RAB40C: variants seen among roughly 807,000 people sequenced by gnomAD.
RAB40C encodes RAB40C, member RAS oncogene family.
Under a neutral mutation model 28.1 loss-of-function variants are expected in RAB40C, and 8 were observed. The observed-to-expected ratio is 0.28, with a 90% CI of 0.17 to 0.51. RAB40C has a LOEUF of 0.51. Among genes scored for constraint, RAB40C ranks in the 20% least tolerant of loss-of-function variants. The probability of loss-of-function intolerance (pLI) is 0.97; values close to 1 mark genes in which losing one functional copy is unlikely to be tolerated. For missense variants in RAB40C, 288 were observed against 405.9 expected (o/e 0.71, Z 2.50); for synonymous variants, 201 against 171.7 (o/e 1.17, Z -1.34).
At chr16:591,550 T>C (rs926020960) in intron 1 of RAB40C, among the ~76,000 whole-genome samples, 11 of 152,146 alleles carry the variant, frequency 7.2e-5, no homozygotes, top group African/African-American at 2.2e-4. Context: ...ACCTCTGTAA[T>C]GAGTTACTGA....
intron 3 of RAB40C, 114 bp from the exon 4 acceptor site, chr16:625,318 A>G: frequency 6.7e-7 from 1 of 1,501,078 alleles, no homozygotes; most frequent in South Asian, 1.2e-5. Context: ...TCCGCCAAGT[A>G]ATAAGCATCC....
chr16:619,093 C>G (rs1202921744), intron 3 of RAB40C, among the ~76,000 whole-genome samples: 1 of 135,186 alleles, frequency 7.4e-6, no homozygotes, highest in African/African-American at 2.9e-5. Flanking sequence ...TGTGTGCAGG[C>G]ATGTGCACAG....
chr16:614,640 C>G (rs1012485894), intron 1 of RAB40C, among the ~76,000 whole-genome samples: 9 of 150,948 alleles, frequency 6.0e-5, no homozygotes, highest in Admixed American at 5.9e-4. Context: ...CTAACTCTGC[C>G]GTATCCCGAT....
chr16:590,492 A>G (rs1308014880), intron 1 of RAB40C, 59 bp downstream of exon 1: 10 of 1,453,960 alleles, frequency 6.9e-6, no homozygotes, highest in Non-Finnish European at 9.1e-6. Context: ...CGAGCTGGGC[A>G]CGGAGCTCGC....
chr16:594,505 C>T (rs990524276), intron 1 of RAB40C, among the ~76,000 whole-genome samples: 1 of 152,230 alleles, frequency 6.6e-6, no homozygotes, highest in Admixed American at 6.5e-5. Context: ...GGCTTCACGA[C>T]TCCCTGAGCT....
At position 602,947 on chromosome 16, in the gene RAB40C, T is replaced by G. The variant is rs528256012; in HGVS notation, c.142+12514T>G. ...GGATTTGTAATCATTGAAAGTAATC[T>G]GAGAGCTATGGGATCTGCTCCTTAA... On this transcript the variant is annotated intron_variant, in intron 1 of 5. Transcript: ENST00000248139. Among the ~76,000 whole-genome samples the G allele has an allele frequency of 2.6e-5, 4 of 152,298 alleles. No individual in the cohort carries two copies. The South Asian group carries it at 8.3e-4, about 32-fold the overall frequency.
intron 3 of RAB40C, chr16:624,850 T>C: frequency 1.0e-6 from 1 of 985,446 alleles, no homozygotes; most frequent in South Asian, 4.7e-5. Flanking sequence ...TGCCGAGATA[T>C]TTAGGGCAGG....
At chr16:605,184 C>T (rs79366855) in intron 1 of RAB40C, among the ~76,000 whole-genome samples, 2,929 of 152,284 alleles carry the variant, frequency 0.019, 61 homozygotes, top group African/African-American at 0.056. Context: ...GTGATTGTTC[C>T]GCTGCACTCC....
At chr16:605,627 C>T (rs913485089) in intron 1 of RAB40C, among the ~76,000 whole-genome samples, 108 of 152,328 alleles carry the variant, frequency 7.1e-4, no homozygotes, top group African/African-American at 1.9e-3. Flanking sequence ...TGGTTGAGTG[C>T]AGTTGCTCCC....
At chr16:590,700 G>A (rs2035974669) in intron 1 of RAB40C, among the ~76,000 whole-genome samples, 1 of 152,226 alleles carries the variant, frequency 6.6e-6, no homozygotes, top group African/African-American at 2.4e-5. Flanking sequence ...CGGTGTCACG[G>A]GTCCGGGATC....
In RAB40C at chr16:625,997, G is replaced by T; in HGVS notation, c.441G>T (p.Lys147Asn). ...PTEQARAYAE[K>N]NCMTFFEVSP... ...AGCAGGCCCGCGCGTACGCAGAGAA[G>T]AACTGCATGACCTTCTTTGAGGTCA... is the stretch of plus-strand genomic sequence containing the variant. The change falls in exon 5 of 6, where the codon AAG becomes AAT. Residue 147 changes from lysine (K) to asparagine (N), a missense_variant. Lys to Asn is a moderately conservative substitution (Grantham distance 94, BLOSUM62 0). Transcript: ENST00000248139. 6.2e-7 allele frequency: 1 copy of T among 1,613,364 alleles called. No individual in the cohort carries two copies. Among genetic ancestry groups the T allele is most frequent in the Non-Finnish European group, 8.5e-7 (1 of 1,180,010 alleles).
chr16:623,429 C>T (rs763820453), intron 3 of RAB40C, among the ~76,000 whole-genome samples: 5 of 151,896 alleles, frequency 3.3e-5, no homozygotes, highest in Non-Finnish European at 4.4e-5. Context: ...GTGGGCAGAT[C>T]GGGAGGTCAG....
At chr16:598,870 G>A (rs1203206584) in intron 1 of RAB40C, among the ~76,000 whole-genome samples, 2 of 152,074 alleles carry the variant, frequency 1.3e-5, no homozygotes, top group Admixed American at 6.6e-5. Flanking sequence ...GAAGGTGTAG[G>A]CCGGGCGGTC....
chr16:605,873 A>G (rs2036351692), intron 1 of RAB40C, among the ~76,000 whole-genome samples: 1 of 152,184 alleles, frequency 6.6e-6, no homozygotes, highest in African/African-American at 2.4e-5. Context: ...GCAGTCACAC[A>G]GTTTCTGTCC....
chr16:592,907 C>T (rs1365801074), intron 1 of RAB40C, among the ~76,000 whole-genome samples: 5 of 152,262 alleles, frequency 3.3e-5, no homozygotes, highest in Non-Finnish European at 5.9e-5. Context: ...CTGACATGCT[C>T]ACTGAAGTGG....
At chr16:595,603 CTTTTTT>C (rs746491567) in intron 1 of RAB40C, among the ~76,000 whole-genome samples, 2 of 138,834 alleles carry the variant, frequency 1.4e-5, no homozygotes, top group African/African-American at 5.3e-5. Flanking sequence ...CTTTTTTCTT[CTTTTTT>C]TTTTTTTTTT....
chr16:610,966 G>A lies in RAB40C; in HGVS notation c.143-6242G>A, dbSNP rs931826445. On this transcript the variant is annotated intron_variant, in intron 1 of 5. Coordinates refer to ENST00000248139, the MANE Select transcript of RAB40C (RefSeq NM_021168.5). This position sits in a 1 kb window ranked among gnomAD's most constrained non-coding sequence, Gnocchi z 4.6. ...GCTGACTGTGCTTAGAGAACAGGCCGCTGTTTGTGTCTAAATGGTATCCAT... is the reference window on the plus strand; with the variant it reads ...GCTGACTGTGCTTAGAGAACAGGCCACTGTTTGTGTCTAAATGGTATCCAT... 2.0e-5 allele frequency among the ~76,000 whole-genome samples: 3 copies of A among 152,154 alleles called. No individual in the cohort carries two copies. The highest frequency in any genetic ancestry group is 4.4e-5 in the Non-Finnish European group (3 of 68,044).
At chr16:598,612 C>A (rs2036184237) in intron 1 of RAB40C, among the ~76,000 whole-genome samples, 1 of 149,744 alleles carries the variant, frequency 6.7e-6, no homozygotes, top group Non-Finnish European at 1.5e-5. Context: ...TGTGGTGGTG[C>A]ACGTCTGTAG....
In RAB40C at chr16:629,174, G is replaced by T. The variant is rs968383273; in HGVS notation, c.*1552G>T. ...AGGACCTGGATGGTCCTGCATTCAC[G>T]GCATCAACACTACCCGCGCTGCTGT... On this transcript the variant is annotated 3_prime_UTR_variant, in exon 6 of 6. Transcript: ENST00000248139. 4.8e-6 allele frequency: 1 copy of T among 207,328 alleles called. No individual in the cohort carries two copies. The highest frequency in any genetic ancestry group is 5.1e-5 in the Admixed American group (1 of 19,548). 12.8% of individuals were successfully genotyped at this position (207,328 alleles called of 1,614,324 possible).
Sources: allele counts gnomAD v4.1 joint callset (sites outside exome capture counted in the v4.1 genomes callset), GRCh38; gene constraint gnomAD v4.1.1; non-coding constraint Gnocchi (gnomAD v3.1); transcripts MANE v1.5; gene names NCBI Gene and HGNC (gene_info 2026-07-23, HGNC 2026-07-21).